NBAS: variants seen among roughly 807,000 people sequenced by gnomAD.
NBAS encodes the protein NAG/BC035112 fusion.
In NBAS, 219 loss-of-function variants were observed where a neutral mutation model predicts 302.5. The observed-to-expected ratio is 0.72, with a 90% CI of 0.65 to 0.81. The LOEUF (loss-of-function observed/expected upper bound fraction) is 0.81, where lower values mean the gene tolerates loss of function less well. Ranked by LOEUF, NBAS falls within the 30% of genes least tolerant of loss-of-function variation. The pLI is 0.00. For synonymous variants in NBAS, 1,118 were observed against 1,021.6 expected (o/e 1.09, Z -1.80); for missense variants, 2,932 against 2,841.6 (o/e 1.03, Z -0.72).
the NBAS span, among the ~76,000 whole-genome samples, chr2:14,789,118 G>T: frequency 1.3e-5 from 2 of 152,216 alleles, no homozygotes; most frequent in Non-Finnish European, 2.9e-5. Context: ...GGCTCCGTGG[G>T]CATAGGACCC....
chr2:14,987,042 C>G, the NBAS span, among the ~76,000 whole-genome samples: 6 of 152,052 alleles, frequency 3.9e-5, no homozygotes, highest in South Asian at 6.2e-4. Context: ...AAATATAGAT[C>G]TAAAATAGAT....
chr2:15,151,850 A>G, the NBAS span, among the ~76,000 whole-genome samples: 3 of 151,602 alleles, frequency 2.0e-5, no homozygotes, highest in Admixed American at 1.3e-4. Flanking sequence ...AGTCTTTTTT[A>G]TTTTTTATTT....
At chr2:15,383,714 C>T (rs1369684638) in intron 28 of NBAS, among the ~76,000 whole-genome samples, 1 of 152,188 alleles carries the variant, frequency 6.6e-6, no homozygotes, top group Non-Finnish European at 1.5e-5. Context: ...CCATCTTCAT[C>T]ACTCAGCAAT....
At chr2:15,323,909 GAAA>G (rs35027092) in intron 38 of NBAS, among the ~76,000 whole-genome samples, 34,015 of 141,472 alleles carry the variant, frequency 0.24, 4,218 homozygotes, top group Middle Eastern at 0.4. Context: ...CACAGTTTCT[GAAA>G]AAAAAAAAAA....
At chr2:14,822,700 T>C in the NBAS span, among the ~76,000 whole-genome samples, 1 of 152,160 alleles carries the variant, frequency 6.6e-6, no homozygotes, top group Non-Finnish European at 1.5e-5. Flanking sequence ...CAGTGAAAAC[T>C]CCCACAAGGT....
the NBAS span, among the ~76,000 whole-genome samples, chr2:14,782,711 G>A: frequency 6.6e-6 from 1 of 152,064 alleles, no homozygotes; most frequent in Non-Finnish European, 1.5e-5. Flanking sequence ...CAACCTAAAT[G>A]CCCACCAATG....
the NBAS span, among the ~76,000 whole-genome samples, chr2:14,831,718 T>C: frequency 6.6e-6 from 1 of 152,168 alleles, no homozygotes; most frequent in African/African-American, 2.4e-5. Flanking sequence ...TACCCGCCAA[T>C]AGTATAATCC....
the NBAS span, among the ~76,000 whole-genome samples, chr2:15,050,769 C>T: frequency 6.6e-6 from 1 of 152,182 alleles, no homozygotes; most frequent in African/African-American, 2.4e-5. Context: ...TCTGGGTTTC[C>T]ACCTCTAATC....
At chr2:15,155,741 C>T in the NBAS span, among the ~76,000 whole-genome samples, 1 of 152,200 alleles carries the variant, frequency 6.6e-6, no homozygotes, top group Non-Finnish European at 1.5e-5. Context: ...AATCTTCCTT[C>T]GTCTTCCTGC....
At chr2:15,530,669 G>C (rs986090739) in intron 9 of NBAS, among the ~76,000 whole-genome samples, 1 of 151,330 alleles carries the variant, frequency 6.6e-6, no homozygotes, top group Non-Finnish European at 1.5e-5. Flanking sequence ...AGGAGAGAGT[G>C]AAAAAAATTA....
chr2:14,877,957 C>T, the NBAS span, among the ~76,000 whole-genome samples: 7 of 152,162 alleles, frequency 4.6e-5, no homozygotes, highest in Non-Finnish European at 1.0e-4. Context: ...ATTCCATTAT[C>T]CTTGTAATTA....
chr2:15,357,830 T>A (rs576162853), intron 32 of NBAS, among the ~76,000 whole-genome samples: 1 of 152,300 alleles, frequency 6.6e-6, no homozygotes, highest in South Asian at 2.1e-4. Flanking sequence ...AAGCATTTTT[T>A]CTTTTGTCTT....
chr2:15,222,919 C>A (rs1667009433), intron 47 of NBAS, among the ~76,000 whole-genome samples: 1 of 152,166 alleles, frequency 6.6e-6, no homozygotes, highest in African/African-American at 2.4e-5. Flanking sequence ...ACTTACTGTG[C>A]AGCTAATAAC....
chr2:15,546,372 T>C (rs554890630), intron 6 of NBAS, among the ~76,000 whole-genome samples: 2 of 152,276 alleles, frequency 1.3e-5, no homozygotes, highest in Non-Finnish European at 2.9e-5. Context: ...AAAGGGCAAA[T>C]GGTTATCATA....
At chr2:15,140,608 T>G in the NBAS span, among the ~76,000 whole-genome samples, 1 of 152,218 alleles carries the variant, frequency 6.6e-6, no homozygotes, top group Non-Finnish European at 1.5e-5. Flanking sequence ...GGAATGCTAT[T>G]CAAACAGGAA....
intron 28 of NBAS, among the ~76,000 whole-genome samples, chr2:15,384,753 T>C (rs1358547039): frequency 6.6e-6 from 1 of 152,214 alleles, no homozygotes; most frequent in East Asian, 1.9e-4. Flanking sequence ...GTCTTGACAT[T>C]CTACATAATC....
intron 40 of NBAS, among the ~76,000 whole-genome samples, chr2:15,296,353 A>G (rs1012882068): frequency 1.3e-5 from 2 of 152,158 alleles, no homozygotes; most frequent in African/African-American, 2.4e-5. Flanking sequence ...AACCTGGCCA[A>G]CATGGAGAAA....
At chr2:15,371,040 G>A (rs1386619917) in intron 31 of NBAS, among the ~76,000 whole-genome samples, 4 of 152,134 alleles carry the variant, frequency 2.6e-5, no homozygotes, top group African/African-American at 9.7e-5. Context: ...GCAATCCCCA[G>A]GTGTTGAGGG....
At chr2:15,383,375 T>G in intron 28 of NBAS, 58 bp from the exon 29 acceptor site, 1 of 1,520,926 alleles carries the variant, frequency 6.6e-7, no homozygotes, top group Non-Finnish European at 9.1e-7. Context: ...AAAATCTCTT[T>G]CTTCAAATGA....
Sources: gnomAD v4.1 joint callset for allele counts (sites outside exome capture counted in the v4.1 genomes callset) on GRCh38, gnomAD v4.1.1 for gene constraint, MANE v1.5 for transcripts, NCBI Gene and HGNC (gene_info 2026-07-23, HGNC 2026-07-21) for gene names.